Variants in TMEM132D observed in about 807,000 individuals in gnomAD.
TMEM132D encodes transmembrane protein 132D.
Under a neutral mutation model 62.3 loss-of-function variants are expected in TMEM132D, and 21 were observed. That is an observed-to-expected ratio of 0.34 (90% CI 0.24 to 0.49). TMEM132D has a LOEUF of 0.49. Among genes scored for constraint, TMEM132D ranks in the 20% least tolerant of loss-of-function variants. The pLI, the probability that TMEM132D is intolerant of heterozygous loss-of-function variation, is 0.99. For synonymous variants in TMEM132D, 621 were observed against 575.6 expected (o/e 1.08, Z -1.13); for missense variants, 1,346 against 1,402.8 (o/e 0.96, Z 0.65).
At chr12:129,386,261 A>G (rs570662801) in intron 3 of TMEM132D, among the ~76,000 whole-genome samples, 1 of 152,320 alleles carries the variant, frequency 6.6e-6, no homozygotes, top group African/African-American at 2.4e-5. Context: ...CAACCCTAGG[A>G]GGGTACTAAC....
At chr12:129,086,960 T>A (rs1185774601) in intron 5 of TMEM132D, among the ~76,000 whole-genome samples, 3 of 152,132 alleles carry the variant, frequency 2.0e-5, no homozygotes, top group Non-Finnish European at 2.9e-5. Context: ...CCATACTATG[T>A]TATATTCCCA....
In TMEM132D at chr12:129,345,898, C is replaced by CT. The variant is rs939739659; in HGVS notation, c.1116-8082dup. Among the ~76,000 whole-genome samples the CT allele has an allele frequency of 4.2e-4, 64 of 152,012 alleles. 1 individual carries two copies. Among genetic ancestry groups the CT allele is most frequent in the Admixed American group, 4.6e-4 (7 of 15,254 alleles). Reference sequence around the variant, plus strand: ...ATCAGGGATATTGGCCTGAAATTTTCTTTTTTTTATTGCGTCTCTGCCAGG... The same window carrying CT: ...ATCAGGGATATTGGCCTGAAATTTTCTTTTTTTTTATTGCGTCTCTGCCAGG... On this transcript the variant is annotated intron_variant, in intron 3 of 8. Coordinates refer to ENST00000422113, the MANE Select transcript of TMEM132D (RefSeq NM_133448.3).
intron 4 of TMEM132D, among the ~76,000 whole-genome samples, chr12:129,258,723 G>A (rs1880474893): frequency 2.0e-5 from 3 of 152,140 alleles, no homozygotes; most frequent in Admixed American, 6.5e-5. Flanking sequence ...TACCAAGCAC[G>A]GTGCTAGGCT....
At position 129,718,480 on chromosome 12, in the gene TMEM132D, G is replaced by T. The variant is rs558760682; in HGVS notation, c.80-17782C>A. Among the ~76,000 whole-genome samples the T allele has an allele frequency of 2.6e-5, 4 of 152,306 alleles. No homozygotes were observed. The East Asian group carries it at 7.7e-4, about 29-fold the overall frequency. On this transcript the variant is annotated intron_variant, in intron 1 of 8. Transcript: ENST00000422113. The stretch of plus-strand genomic sequence containing the variant: ...TCAATAAAACCTTTACTGGCCAGTT[G>T]TCCTTATTTTATTCTTTCTGATGTA...
intron 4 of TMEM132D, among the ~76,000 whole-genome samples, chr12:129,323,912 ATTT>A (rs3884224): frequency 1.2e-4 from 18 of 150,316 alleles, no homozygotes; most frequent in African/African-American, 3.9e-4. Flanking sequence ...AGTAGGTTTT[ATTT>A]TTTTTTTTTG....
At chr12:129,850,532 T>G (rs186057424) in intron 1 of TMEM132D, among the ~76,000 whole-genome samples, 1 of 152,058 alleles carries the variant, frequency 6.6e-6, no homozygotes. Flanking sequence ...GGCCTCAGGG[T>G]GGGTGAGGGT....
At chr12:129,541,768 C>A (rs574139593) in intron 2 of TMEM132D, among the ~76,000 whole-genome samples, 2 of 152,218 alleles carry the variant, frequency 1.3e-5, no homozygotes, top group Non-Finnish European at 2.9e-5. Flanking sequence ...ACATAATGAA[C>A]CCTAAGCCAT....
At chr12:129,264,268 A>C (rs555616113) in intron 4 of TMEM132D, among the ~76,000 whole-genome samples, 1 of 152,304 alleles carries the variant, frequency 6.6e-6, no homozygotes, top group East Asian at 1.9e-4. Flanking sequence ...ACGAGCCTGT[A>C]GTCCCACCCA....
chr12:129,748,753 A>G (rs759626030), intron 1 of TMEM132D, among the ~76,000 whole-genome samples: 3 of 152,206 alleles, frequency 2.0e-5, no homozygotes, highest in Non-Finnish European at 2.9e-5. Flanking sequence ...TTTGACAAGC[A>G]TCTTCTCCTT....
rs1165636190 is a variant in TMEM132D, at chr12:129,074,871, C to T, written c.2304G>A (p.Lys768=). The change falls in exon 9 of 9, where the codon AAG becomes AAA. Residue 768 remains lysine (K), a synonymous_variant. Transcript: ENST00000422113. ...AGGATTCACTAATAACCATTTCCACCTTGACCAGGGTGCCTTGTCCTTCTG... is the reference window on the plus strand; with the variant it reads ...AGGATTCACTAATAACCATTTCCACTTTGACCAGGGTGCCTTGTCCTTCTG... ...AETEGQGTLV[K]VEMVISESCQ... is the part of the protein sequence containing the mutation. 1 of 1,614,018 alleles carries T rather than the reference C, an allele frequency of 6.2e-7. No homozygotes were observed. The highest frequency in any genetic ancestry group is 1.3e-5 in the African/African-American group (1 of 74,982).
At chr12:129,252,880 T>C (rs973514173) in intron 4 of TMEM132D, among the ~76,000 whole-genome samples, 35 of 152,126 alleles carry the variant, frequency 2.3e-4, no homozygotes, top group African/African-American at 8.5e-4. Context: ...GATGAGTTCA[T>C]GTCCTTTGTA....
chr12:129,210,954 C>T (rs1170531126), intron 4 of TMEM132D: 1 of 152,340 alleles, frequency 6.6e-6, no homozygotes, highest in East Asian at 1.9e-4. Context: ...TCCTCAGTGA[C>T]TCCTCTAGAA....
chr12:129,639,145 G>A (rs1272304993), intron 2 of TMEM132D, among the ~76,000 whole-genome samples: 1 of 152,042 alleles, frequency 6.6e-6, no homozygotes, highest in Non-Finnish European at 1.5e-5. Flanking sequence ...CACATTGGGA[G>A]GCTGAGGCGG....
At position 129,896,898 on chromosome 12, in the gene TMEM132D, G is replaced by A. The variant is rs140988013; in HGVS notation, c.79+6363C>T. Among the ~76,000 whole-genome samples the A allele has an allele frequency of 9.2e-4, 140 of 152,256 alleles. 2 individuals carry two copies. Among genetic ancestry groups the A allele is most frequent in the South Asian group, 1.7e-3 (8 of 4,820 alleles). ...TTTTTTACCTTTATAACTGTTGACT[G>A]ATCTGTTCTAAAACTATGTACTTCA... On this transcript the variant is annotated intron_variant, in intron 1 of 8. Transcript: ENST00000422113.
intron 1 of TMEM132D, among the ~76,000 whole-genome samples, chr12:129,708,880 G>C (rs1881570332): frequency 6.6e-6 from 1 of 152,102 alleles, no homozygotes; most frequent in Non-Finnish European, 1.5e-5. Context: ...TACATACCTA[G>C]ATGGTACATC....
intron 1 of TMEM132D, among the ~76,000 whole-genome samples, chr12:129,870,304 G>A (rs967508782): frequency 3.3e-5 from 5 of 152,112 alleles, no homozygotes; most frequent in Admixed American, 6.5e-5. Context: ...ATGCTAAGGA[G>A]GTGACTCATG....
intron 3 of TMEM132D, among the ~76,000 whole-genome samples, chr12:129,384,952 CAGAA>C (rs1871063866): frequency 1.3e-5 from 2 of 152,276 alleles, no homozygotes; most frequent in South Asian, 4.1e-4. Context: ...CCACCTGCAA[CAGAA>C]ATGTGTGTTT....
At chr12:129,591,123 C>A (rs917559285) in intron 2 of TMEM132D, among the ~76,000 whole-genome samples, 2 of 152,172 alleles carry the variant, frequency 1.3e-5, no homozygotes, top group African/African-American at 4.8e-5. Flanking sequence ...GAGGTATATA[C>A]AAACTCCGAA....
Position 129,903,463 on chromosome 12 carries a change from A to G in TMEM132D, c.-124T>C. 9.7e-7 allele frequency: 1 copy of G among 1,029,626 alleles called. No homozygotes were observed. The highest frequency in any genetic ancestry group is 1.4e-6 in the Non-Finnish European group (1 of 702,616). The allele number at this position is 1,029,626 out of a possible 1,614,324, so 63.8% of individuals were successfully genotyped here. ...GAGGGAGCGCCCGGCTAGGGGCCCGAGCAGCCCGGGCGCCCTGCTCCCTCT... is the reference window on the plus strand; with the variant it reads ...GAGGGAGCGCCCGGCTAGGGGCCCGGGCAGCCCGGGCGCCCTGCTCCCTCT... On this transcript the variant is annotated 5_prime_UTR_variant, in exon 1 of 9. Transcript: ENST00000422113. This position sits in a 1 kb window ranked among gnomAD's most constrained non-coding sequence, Gnocchi z 6.2.
Sources: allele counts gnomAD v4.1 joint callset (sites outside exome capture counted in the v4.1 genomes callset), GRCh38; gene constraint gnomAD v4.1.1; non-coding constraint Gnocchi (gnomAD v3.1); transcripts MANE v1.5; gene names NCBI Gene and HGNC (gene_info 2026-07-23, HGNC 2026-07-21).